CNTLN: variants seen among roughly 807,000 people sequenced by gnomAD.
The protein encoded by CNTLN is centlein.
Under a neutral mutation model 180.0 loss-of-function variants are expected in CNTLN, and 212 were observed. That is an observed-to-expected ratio of 1.18 (90% confidence interval 1.05 to 1.32). The LOEUF is 1.32. Ranked by LOEUF, CNTLN falls within the 40% of genes most tolerant of loss-of-function variation. The pLI is 0.00. For missense variants in CNTLN, 2,095 were observed against 1,610.9 expected, an observed-to-expected ratio of 1.30 and a Z score of -5.14; for synonymous variants, 722 against 563.1, an observed-to-expected ratio of 1.28 and a Z score of -3.99.
chr9:17,354,493 A>G lies in CNTLN; in HGVS notation c.1886+12049A>G, dbSNP rs565338322. ...CTCTGTATCTAGCTCAAGGTTTGTA[A>G]ACACACCACTCAGCACCCTGTGTTT... On this transcript the variant is annotated intron_variant, in intron 12 of 25. Transcript: ENST00000380647. Among the ~76,000 whole-genome samples, 312 of 152,188 alleles carry G rather than the reference A, an allele frequency of 2.1e-3. 1 individual carries two copies. The highest frequency in any genetic ancestry group is 7.2e-3 in the African/African-American group (299 of 41,518).
chr9:17,136,965 C>A (rs1357186550), intron 1 of CNTLN, among the ~76,000 whole-genome samples: 1 of 152,140 alleles, frequency 6.6e-6, no homozygotes, highest in Non-Finnish European at 1.5e-5. Flanking sequence ...CCCACTTCTG[C>A]CTCCCCACAT....
At chr9:17,456,338 A>G (rs1489444176) in intron 18 of CNTLN, among the ~76,000 whole-genome samples, 3 of 152,156 alleles carry the variant, frequency 2.0e-5, no homozygotes, top group African/African-American at 7.2e-5. Flanking sequence ...ATAGAACCAT[A>G]CTTTTAGATT....
intron 18 of CNTLN, among the ~76,000 whole-genome samples, chr9:17,453,907 A>C (rs1206172656): frequency 6.6e-6 from 1 of 152,212 alleles, no homozygotes; most frequent in African/African-American, 2.4e-5. Flanking sequence ...TCATCTGATT[A>C]GGTCAGGACC....
In CNTLN at chr9:17,381,931, G is replaced by A. The variant is rs549153692; in HGVS notation, c.1988-6231G>A. Among the ~76,000 whole-genome samples, 6 of 152,260 alleles carry A rather than the reference G, an allele frequency of 3.9e-5. No homozygotes were observed. The South Asian group carries it at 1.0e-3, about 26-fold the overall frequency. ...TGATCAGAAGCATACAATTTCTTGA[G>A]TTCTAGGCTCATTTATACCCATGTT... On this transcript the variant is annotated intron_variant, in intron 13 of 25. Coordinates refer to ENST00000380647, the MANE Select transcript of CNTLN (RefSeq NM_017738.4).
chr9:17,522,010 A>T, the CNTLN span, among the ~76,000 whole-genome samples: 1 of 128,232 alleles, frequency 7.8e-6, no homozygotes, highest in African/African-American at 2.5e-5. Flanking sequence ...ATGACCTGTT[A>T]GCTCAAATAG....
chr9:17,465,966 A>T lies in CNTLN; in HGVS notation c.3532-15A>T. The T allele has an allele frequency of 6.3e-7, 1 of 1,587,426 alleles. No individual in the cohort carries two copies. Among genetic ancestry groups the T allele is most frequent in the Non-Finnish European group, 8.6e-7 (1 of 1,164,044 alleles). On this transcript the variant is annotated splice_polypyrimidine_tract_variant and intron_variant, in intron 21 of 25. Transcript: ENST00000380647. ...GCCTTCAACAATAATAATTACCTTT[A>T]TGCTTTTAATGTAGGTAAAGACATT...
chr9:17,240,441 C>T (rs1242922913), intron 5 of CNTLN, among the ~76,000 whole-genome samples: 1 of 151,978 alleles, frequency 6.6e-6, no homozygotes, highest in Non-Finnish European at 1.5e-5. Flanking sequence ...AATCTAAGTG[C>T]TTTTAATTTC....
chr9:17,190,906 A>G (rs112159564), intron 2 of CNTLN, among the ~76,000 whole-genome samples: 5,400 of 152,284 alleles, frequency 0.035, 231 homozygotes, highest in African/African-American at 0.11. Context: ...AACTATTCAC[A>G]TATTATAATT....
chr9:17,267,030 CCATTTA>C (rs950191953), intron 5 of CNTLN, among the ~76,000 whole-genome samples: 2 of 152,034 alleles, frequency 1.3e-5, no homozygotes, highest in African/African-American at 4.8e-5. Flanking sequence ...AGCATGTTGC[CCATTTA>C]CATTTAAAGT....
chr9:17,449,023 G>A (rs751924942), intron 18 of CNTLN, among the ~76,000 whole-genome samples: 3 of 152,146 alleles, frequency 2.0e-5, no homozygotes, highest in African/African-American at 7.2e-5. Flanking sequence ...GAATGGGTAT[G>A]CATTGCAACC....
intron 5 of CNTLN, among the ~76,000 whole-genome samples, chr9:17,259,426 C>T (rs1208599015): frequency 7.0e-6 from 1 of 142,336 alleles, no homozygotes; most frequent in Non-Finnish European, 1.5e-5. Flanking sequence ...GGATATTGGT[C>T]TAAAATTCTC....
At chr9:17,233,872 A>G (rs1199286260) in intron 3 of CNTLN, among the ~76,000 whole-genome samples, 3 of 152,208 alleles carry the variant, frequency 2.0e-5, no homozygotes, top group Non-Finnish European at 4.4e-5. Context: ...TCTTTGAACT[A>G]TAAAGAAAAG....
intron 2 of CNTLN, among the ~76,000 whole-genome samples, chr9:17,194,035 G>C (rs1821962448): frequency 6.6e-6 from 1 of 152,162 alleles, no homozygotes; most frequent in Admixed American, 6.5e-5. Context: ...GTCATGGCCA[G>C]AGCAGCTGGG....
At chr9:17,207,034 C>T (rs1285915366) in intron 2 of CNTLN, among the ~76,000 whole-genome samples, 1 of 152,126 alleles carries the variant, frequency 6.6e-6, no homozygotes, top group Non-Finnish European at 1.5e-5. Flanking sequence ...TGTTGCTTCC[C>T]AGTCTGGTGG....
intron 15 of CNTLN, among the ~76,000 whole-genome samples, chr9:17,404,737 A>AT (rs1316130402): frequency 2.5e-5 from 2 of 81,028 alleles, no homozygotes. Flanking sequence ...TTCTGAAACA[A>AT]ATTTTTTTTT....
intron 5 of CNTLN, among the ~76,000 whole-genome samples, chr9:17,251,073 G>C (rs12238680): frequency 6.6e-6 from 1 of 151,808 alleles, no homozygotes; most frequent in Non-Finnish European, 1.5e-5. Flanking sequence ...TGTTATCTCA[G>C]TGCCTCTGTA....
intron 20 of CNTLN, among the ~76,000 whole-genome samples, chr9:17,463,836 C>G (rs942674939): frequency 1.3e-5 from 2 of 151,424 alleles, no homozygotes; most frequent in Admixed American, 6.6e-5. Context: ...TAGGTTCTTA[C>G]GAGGAATAAA....
chr9:17,377,386 C>T (rs1824860692), intron 13 of CNTLN, among the ~76,000 whole-genome samples: 1 of 152,012 alleles, frequency 6.6e-6, no homozygotes, highest in Admixed American at 6.6e-5. Flanking sequence ...ACTAAAAATA[C>T]AGAAATTAGC....
chr9:17,482,651 T>G (rs1199179210), intron 23 of CNTLN, among the ~76,000 whole-genome samples: 1 of 152,144 alleles, frequency 6.6e-6, no homozygotes. Flanking sequence ...AAGAAAAATC[T>G]GATAAAGAAG....
Sources: gnomAD v4.1 joint callset for allele counts (sites outside exome capture counted in the v4.1 genomes callset) on GRCh38, gnomAD v4.1.1 for gene constraint, MANE v1.5 for transcripts, NCBI Gene and HGNC (gene_info 2026-07-23, HGNC 2026-07-21) for gene names.